The following NSUN6 variants were observed in gnomAD, a reference collection of about 807,000 sequenced individuals.
NSUN6 encodes the protein tRNA (cytosine(72)-C(5))-methyltransferase NSUN6.
A neutral mutation model predicts 58.0 loss-of-function variants in NSUN6; 64 were observed. The ratio of observed to expected loss-of-function variants is 1.10; its 90% CI spans 0.90 to 1.36. The LOEUF is 1.36. Ranked by LOEUF, NSUN6 falls within the 40% of genes most tolerant of loss-of-function variation. The pLI is 0.00. For synonymous variants in NSUN6, 231 were observed against 193.9 expected (o/e 1.19, Z -1.59); for missense variants, 701 against 550.1 (o/e 1.27, Z -2.74).
intron 8 of NSUN6, among the ~76,000 whole-genome samples, chr10:18,571,048 A>T (rs1277525133): frequency 2.3e-5 from 3 of 131,630 alleles, no homozygotes; most frequent in Admixed American, 1.5e-4. Flanking sequence ...TTTCCATTCC[A>T]CTCTCCACTC....
At chr10:18,618,589 G>C (rs1457093448) in intron 3 of NSUN6, among the ~76,000 whole-genome samples, 1 of 151,440 alleles carries the variant, frequency 6.6e-6, no homozygotes, top group Non-Finnish European at 1.5e-5. Flanking sequence ...GGCTGAGGCA[G>C]GAGAATCACT....
At chr10:18,658,773 C>T, upstream of NSUN6, 2 of 330,172 alleles carry the variant, frequency 6.1e-6, no homozygotes, top group Non-Finnish European at 8.7e-6. Flanking sequence ...GAAGTCGAGG[C>T]AGGAAGATCG....
At chr10:18,621,994 T>C (rs1165087301) in intron 3 of NSUN6, among the ~76,000 whole-genome samples, 2 of 150,324 alleles carry the variant, frequency 1.3e-5, no homozygotes, top group Non-Finnish European at 2.9e-5. Flanking sequence ...AAATATTCTA[T>C]TGCAATAACC....
At chr10:18,605,396 G>C (rs534492284) in intron 6 of NSUN6, among the ~76,000 whole-genome samples, 11 of 152,220 alleles carry the variant, frequency 7.2e-5, no homozygotes, top group Middle Eastern at 3.4e-3. Flanking sequence ...GGGAAGAAGG[G>C]AGTCCTCTTA....
chr10:18,616,324 G>A (rs770096539), intron 3 of NSUN6, 31 bp from the exon 4 acceptor site: 1 of 1,316,050 alleles, frequency 7.6e-7, no homozygotes, highest in Non-Finnish European at 1.1e-6. Context: ...AAGTTTAATA[G>A]TAACATACCT....
chr10:18,615,981 GAA>G (rs758423302), intron 4 of NSUN6, among the ~76,000 whole-genome samples: 1 of 140,408 alleles, frequency 7.1e-6, no homozygotes, highest in Non-Finnish European at 1.6e-5. Flanking sequence ...TATTTGGAAG[GAA>G]AAAAAAAAAA....
At chr10:18,558,095 G>T (rs2055183618) in intron 8 of NSUN6, among the ~76,000 whole-genome samples, 1 of 149,866 alleles carries the variant, frequency 6.7e-6, no homozygotes, top group Non-Finnish European at 1.5e-5. Context: ...GAAGAATGGA[G>T]AATGGAATAG....
chr10:18,648,363 T>A lies in NSUN6; in HGVS notation c.231+127A>T, dbSNP rs980545472. 6 of 576,644 alleles carry A rather than the reference T, an allele frequency of 1.0e-5. No individual in the cohort carries two copies. The Admixed American group carries it at 1.5e-4, about 14-fold the overall frequency. 35.7% of individuals were successfully genotyped at this position (576,644 alleles called of 1,614,324 possible). A position where few individuals can be genotyped will look rare whatever the true frequency, so the allele number is the denominator to read the frequency against. ...TAGGATAACTTTGAAGAATTTACCA[T>A]TCATGGTCCTCAATCTCCTTATCTG... is the stretch of plus-strand genomic sequence containing the variant. On this transcript the variant is annotated intron_variant, in intron 2 of 10. Transcript: ENST00000377304.
chr10:18,556,579 G>A (rs551192655), intron 8 of NSUN6, among the ~76,000 whole-genome samples: 7 of 150,750 alleles, frequency 4.6e-5, no homozygotes, highest in African/African-American at 1.5e-4. Flanking sequence ...TGGAATGGAG[G>A]ATGGTGTGGA....
intron 8 of NSUN6, among the ~76,000 whole-genome samples, chr10:18,576,637 C>T (rs1200641957): frequency 3.3e-5 from 5 of 152,188 alleles, no homozygotes; most frequent in Admixed American, 6.5e-5. Context: ...CAGCTTCCAT[C>T]CCCCAACACT....
chr10:18,639,766 A>G (rs2059336677), intron 3 of NSUN6, among the ~76,000 whole-genome samples: 1 of 152,252 alleles, frequency 6.6e-6, no homozygotes, highest in African/African-American at 2.4e-5. Flanking sequence ...AAATCATCCA[A>G]ATATTTTAGA....
intron 3 of NSUN6, among the ~76,000 whole-genome samples, chr10:18,624,843 T>C (rs962715519): frequency 1.1e-4 from 16 of 152,114 alleles, no homozygotes; most frequent in Admixed American, 8.5e-4. Flanking sequence ...CATAAAACCT[T>C]CCCTAATGAT....
intron 8 of NSUN6, among the ~76,000 whole-genome samples, chr10:18,584,271 G>C (rs1246411157): frequency 6.6e-6 from 1 of 152,168 alleles, no homozygotes; most frequent in African/African-American, 2.4e-5. Context: ...CTAGCAGTGG[G>C]AGCCCTGCCC....
chr10:18,589,899 C>A (rs916792739), intron 7 of NSUN6, among the ~76,000 whole-genome samples: 1 of 152,162 alleles, frequency 6.6e-6, no homozygotes, highest in African/African-American at 2.4e-5. Flanking sequence ...ATCAAATTCA[C>A]ACCTAACAAT....
intron 7 of NSUN6, among the ~76,000 whole-genome samples, chr10:18,594,483 C>G (rs2057507222): frequency 6.6e-6 from 1 of 151,584 alleles, no homozygotes; most frequent in Non-Finnish European, 1.5e-5. Context: ...GAGTCTCACT[C>G]TGTCACCCAT....
intron 8 of NSUN6, among the ~76,000 whole-genome samples, chr10:18,581,635 G>A (rs1219138883): frequency 6.6e-6 from 1 of 152,112 alleles, no homozygotes; most frequent in Non-Finnish European, 1.5e-5. Flanking sequence ...GATCATCGTG[G>A]CCAACATGGT....
chr10:18,642,091 T>C (rs559658958), intron 3 of NSUN6, among the ~76,000 whole-genome samples: 1 of 152,070 alleles, frequency 6.6e-6, no homozygotes, highest in South Asian at 2.1e-4. Context: ...TACAAACATA[T>C]CAGCTATGAA....
chr10:18,551,748 G>A lies in NSUN6; in HGVS notation c.1071+75C>T. ...GGCTATTGTAATGAACGCTGCTATGGAGATTGCTGTCAGTAGTTTAAACAT... is the reference window on the plus strand; with the variant it reads ...GGCTATTGTAATGAACGCTGCTATGAAGATTGCTGTCAGTAGTTTAAACAT... On this transcript the variant is annotated intron_variant, in intron 9 of 10. Coordinates refer to ENST00000377304, the MANE Select transcript of NSUN6 (RefSeq NM_182543.5). 5 of 1,276,748 alleles carry A rather than the reference G, an allele frequency of 3.9e-6. No individual in the cohort carries two copies. In the South Asian group the frequency reaches 5.2e-5, roughly 13 times the overall value. 79.1% of individuals were successfully genotyped at this position (1,276,748 alleles called of 1,614,324 possible). A position where few individuals can be genotyped will look rare whatever the true frequency, so the allele number is the denominator to read the frequency against.
chr10:18,628,146 C>A (rs1343487243), intron 3 of NSUN6, among the ~76,000 whole-genome samples: 3 of 152,188 alleles, frequency 2.0e-5, no homozygotes, highest in African/African-American at 7.2e-5. Flanking sequence ...CAGGGGCAGA[C>A]TGACACCTCA....
Sources: gnomAD v4.1 joint callset for allele counts (sites outside exome capture counted in the v4.1 genomes callset) on GRCh38, gnomAD v4.1.1 for gene constraint, MANE v1.5 for transcripts, NCBI Gene and HGNC (gene_info 2026-07-23, HGNC 2026-07-21) for gene names.